The following TRDN variants were observed in gnomAD, a reference collection of about 807,000 sequenced individuals.
TRDN encodes triadin, also known as triadin in skeletal muscle.
A neutral mutation model predicts 149.7 loss-of-function variants in TRDN; 161 were observed. The ratio of observed to expected loss-of-function variants is 1.08; its 90% CI spans 0.95 to 1.23. The LOEUF (loss-of-function observed/expected upper bound fraction) is 1.23, where lower values mean the gene tolerates loss of function less well. TRDN is among the 50% of genes most tolerant of loss of function. TRDN has a pLI of 0.00. For synonymous variants in TRDN, 294 were observed against 250.5 expected (o/e 1.17, Z -1.64); for missense variants, 896 against 823.5 (o/e 1.09, Z -1.08).
At chr6:123,300,968 A>C (rs192491013) in intron 24 of TRDN, among the ~76,000 whole-genome samples, 1 of 152,076 alleles carries the variant, frequency 6.6e-6, no homozygotes, top group East Asian at 1.9e-4. Context: ...ATCTTATTGC[A>C]CTTGATCATT....
At chr6:123,327,244 G>A (rs907151117) in intron 23 of TRDN, among the ~76,000 whole-genome samples, 1 of 151,902 alleles carries the variant, frequency 6.6e-6, no homozygotes, top group Non-Finnish European at 1.5e-5. Flanking sequence ...TCCTATACCC[G>A]TACTATTTCC....
At chr6:123,316,373 C>T in intron 24 of TRDN, 84 bp downstream of exon 24, 1 of 1,307,196 alleles carries the variant, frequency 7.6e-7, no homozygotes, top group Admixed American at 1.7e-5. Flanking sequence ...TTTTATCCAG[C>T]CAGGATTGTA....
intron 17 of TRDN, 61 bp from the exon 18 acceptor site, chr6:123,377,803 A>G: frequency 1.9e-6 from 3 of 1,600,858 alleles, no homozygotes; most frequent in Non-Finnish European, 2.6e-6. Flanking sequence ...GTAATTCAGT[A>G]TTCAATTGCA....
intron 5 of TRDN, among the ~76,000 whole-genome samples, chr6:123,521,563 A>T (rs1779682700): frequency 6.6e-6 from 1 of 152,048 alleles, no homozygotes; most frequent in South Asian, 2.1e-4. Flanking sequence ...TCAGAAAAAA[A>T]CTCATCCTGT....
At chr6:123,279,320 G>C in intron 24 of TRDN, among the ~76,000 whole-genome samples, 1 of 152,020 alleles carries the variant, frequency 6.6e-6, no homozygotes, top group East Asian at 1.9e-4. Context: ...AGGCCATATA[G>C]TCTCTCACAA....
Position 123,279,092 on chromosome 6 carries a change from A to G in TRDN, c.1511-10T>C. 6.2e-7 allele frequency: 1 copy of G among 1,605,148 alleles called. No individual in the cohort carries two copies. The highest frequency in any genetic ancestry group is 8.5e-7 in the Non-Finnish European group (1 of 1,175,816). On this transcript the variant is annotated splice_polypyrimidine_tract_variant and intron_variant, in intron 24 of 40. Transcript: ENST00000334268. ...GGCTTGACTTCTTTGCCTAGAAAAA[A>G]GTAAAAAAATTATTAAAGGCTGAGT...
At chr6:123,219,922 C>T (rs967075578) in intron 40 of TRDN, among the ~76,000 whole-genome samples, 2 of 151,872 alleles carry the variant, frequency 1.3e-5, no homozygotes, top group African/African-American at 4.8e-5. Context: ...GGCTGCCTTC[C>T]AGCTGCTTAT....
At chr6:123,303,561 T>G (rs1462814099) in intron 24 of TRDN, among the ~76,000 whole-genome samples, 1 of 152,120 alleles carries the variant, frequency 6.6e-6, no homozygotes, top group Non-Finnish European at 1.5e-5. Flanking sequence ...AGTTTGTTGA[T>G]GAAATTCGAG....
intron 29 of TRDN, among the ~76,000 whole-genome samples, chr6:123,271,568 C>T (rs900710143): frequency 6.6e-6 from 1 of 151,964 alleles, no homozygotes; most frequent in Non-Finnish European, 1.5e-5. Context: ...TCTTCTTGTA[C>T]TGATACCTCC....
intron 10 of TRDN, chr6:123,462,963 A>C (rs1245097253): frequency 2.6e-5 from 4 of 152,194 alleles, no homozygotes; most frequent in African/African-American, 9.7e-5. Flanking sequence ...GAAGACACTG[A>C]CAAAGGCTTG....
chr6:123,628,721 T>A (rs995708648), intron 1 of TRDN, among the ~76,000 whole-genome samples: 4 of 152,148 alleles, frequency 2.6e-5, no homozygotes, highest in African/African-American at 9.6e-5. Context: ...CTCACTGTTA[T>A]TTTTTGCTCT....
intron 24 of TRDN, among the ~76,000 whole-genome samples, chr6:123,280,164 G>C (rs1777530504): frequency 6.6e-6 from 1 of 152,084 alleles, no homozygotes; most frequent in Non-Finnish European, 1.5e-5. Context: ...AAGACAGTCA[G>C]TTATCACAGA....
chr6:123,318,771 T>C (rs1303747163), intron 23 of TRDN, among the ~76,000 whole-genome samples: 1 of 152,048 alleles, frequency 6.6e-6, no homozygotes, highest in Non-Finnish European at 1.5e-5. Flanking sequence ...AAACGATCTT[T>C]TGGAAAAAAT....
chr6:123,417,804 T>C (rs1773718147), intron 12 of TRDN, among the ~76,000 whole-genome samples: 1 of 152,160 alleles, frequency 6.6e-6, no homozygotes, highest in Admixed American at 6.5e-5. Flanking sequence ...TATCACAGTA[T>C]TTGCCCTGTG....
chr6:123,443,453 A>G (rs1249110572), intron 10 of TRDN, among the ~76,000 whole-genome samples: 1 of 152,034 alleles, frequency 6.6e-6, no homozygotes, highest in Non-Finnish European at 1.5e-5. Context: ...GAGGAAAAAT[A>G]CCTGCAGAGA....
chr6:123,586,013 C>T (rs1052180357), intron 1 of TRDN, among the ~76,000 whole-genome samples: 1 of 151,954 alleles, frequency 6.6e-6, no homozygotes, highest in Non-Finnish European at 1.5e-5. Context: ...GAGAATAAGA[C>T]GGCCTTTTGA....
intron 12 of TRDN, among the ~76,000 whole-genome samples, chr6:123,407,001 G>A (rs1263840973): frequency 1.3e-5 from 2 of 152,078 alleles, no homozygotes; most frequent in African/African-American, 2.4e-5. Flanking sequence ...CCAAGCTCAG[G>A]GTGCTTGCTG....
At chr6:123,428,289 A>G (rs773312847) in intron 12 of TRDN, among the ~76,000 whole-genome samples, 7 of 152,146 alleles carry the variant, frequency 4.6e-5, no homozygotes, top group Non-Finnish European at 8.8e-5. Context: ...GCCTATGAAG[A>G]CTGATACTGC....
chr6:123,532,002 G>A (rs188679700), intron 4 of TRDN, among the ~76,000 whole-genome samples: 9 of 152,028 alleles, frequency 5.9e-5, no homozygotes, highest in Admixed American at 4.6e-4. Context: ...GTCTCCTACA[G>A]GGCAAAATGA....
Sources: allele counts gnomAD v4.1 joint callset (sites outside exome capture counted in the v4.1 genomes callset), GRCh38; gene constraint gnomAD v4.1.1; transcripts MANE v1.5; gene names NCBI Gene and HGNC (gene_info 2026-07-23, HGNC 2026-07-21).